RAD51B: variants seen among roughly 807,000 people sequenced by gnomAD.
The protein encoded by RAD51B is RAD51 paralog B, also known as DNA repair protein RAD51 homolog 2.
A neutral mutation model predicts 42.2 loss-of-function variants in RAD51B; 38 were observed. The ratio of observed to expected loss-of-function variants is 0.90; its 90% CI spans 0.70 to 1.18. RAD51B has a LOEUF of 1.18. RAD51B is among the 50% of genes most tolerant of loss of function. The pLI is 0.00. For synonymous variants in RAD51B, 154 were observed against 145.2 expected, an observed-to-expected ratio of 1.06 and a Z score of -0.43; for missense variants, 373 against 400.7, an observed-to-expected ratio of 0.93 and a Z score of 0.59.
At chr14:68,509,700 C>A (rs1159414812) in intron 10 of RAD51B, among the ~76,000 whole-genome samples, 2 of 152,136 alleles carry the variant, frequency 1.3e-5, no homozygotes, top group Non-Finnish European at 2.9e-5. Context: ...CAGGAGTCAG[C>A]AAATGTTTAC....
At chr14:68,562,251 A>T in intron 10 of RAD51B, 1 of 985,418 alleles carries the variant, frequency 1.0e-6, no homozygotes, top group East Asian at 1.1e-4. Context: ...AGAACCACTC[A>T]ACAGGTGGGG....
At chr14:67,983,726 A>G (rs1467201125) in intron 7 of RAD51B, among the ~76,000 whole-genome samples, 6 of 152,190 alleles carry the variant, frequency 3.9e-5, no homozygotes, top group African/African-American at 1.4e-4. Context: ...CAACAAGCAC[A>G]TTAACCATTT....
chr14:68,125,021 A>G (rs2060862505), intron 7 of RAD51B: 1 of 152,110 alleles, frequency 6.6e-6, no homozygotes, highest in Non-Finnish European at 1.5e-5. Flanking sequence ...ATTTTCCTGC[A>G]TAATGTCACA....
At chr14:67,824,415 AC>A (rs1399275390) in intron 2 of RAD51B, among the ~76,000 whole-genome samples, 2 of 151,904 alleles carry the variant, frequency 1.3e-5, no homozygotes, top group African/African-American at 4.8e-5. Context: ...ATGCCACCAC[AC>A]CCAGCTAATT....
intron 10 of RAD51B, among the ~76,000 whole-genome samples, chr14:68,475,652 CTT>C (rs375653232): frequency 6.7e-6 from 1 of 149,912 alleles, no homozygotes; most frequent in Non-Finnish European, 1.5e-5. Flanking sequence ...AGACCAAACA[CTT>C]TTTTTTTTCC....
At chr14:68,397,905 A>T (rs182389303) in intron 8 of RAD51B, among the ~76,000 whole-genome samples, 24 of 151,788 alleles carry the variant, frequency 1.6e-4, no homozygotes, top group Middle Eastern at 3.4e-3. Flanking sequence ...TTCTTCCCCC[A>T]CCCCCTTCTC....
chr14:68,132,764 C>G (rs2077921454), intron 7 of RAD51B, among the ~76,000 whole-genome samples: 1 of 152,226 alleles, frequency 6.6e-6, no homozygotes, highest in Admixed American at 6.5e-5. Context: ...CCTCTGCAGA[C>G]TTACTCTCTC....
At chr14:67,996,255 G>T (rs2075381209) in intron 7 of RAD51B, among the ~76,000 whole-genome samples, 1 of 151,728 alleles carries the variant, frequency 6.6e-6, no homozygotes, top group Admixed American at 6.6e-5. Flanking sequence ...AATTAGCTGG[G>T]TGTAATGGTG....
chr14:68,102,202 T>A (rs1312159682), intron 7 of RAD51B, among the ~76,000 whole-genome samples: 3 of 152,180 alleles, frequency 2.0e-5, no homozygotes, highest in Non-Finnish European at 2.9e-5. Flanking sequence ...GGGCCTGTGA[T>A]GGGTGGGGCT....
At chr14:68,561,864 C>T (rs758266440) in intron 10 of RAD51B, 14 of 754,010 alleles carry the variant, frequency 1.9e-5, no homozygotes, top group Non-Finnish European at 2.3e-5. Context: ...TCTGTAGTTT[C>T]CTCTGCTGGA....
At chr14:68,413,210 G>A (rs931588502) in intron 9 of RAD51B, among the ~76,000 whole-genome samples, 17 of 152,208 alleles carry the variant, frequency 1.1e-4, no homozygotes, top group African/African-American at 4.1e-4. Context: ...TCAACAGGAA[G>A]TAGCTGGTAG....
intron 9 of RAD51B, among the ~76,000 whole-genome samples, chr14:68,439,230 C>T (rs1455566378): frequency 6.6e-6 from 1 of 151,808 alleles, no homozygotes; most frequent in Non-Finnish European, 1.5e-5. Context: ...CAGTGGTGTC[C>T]CAGGCAGTGA....
chr14:67,825,678 C>T, intron 3 of RAD51B, 101 bp downstream of exon 3: 2 of 768,044 alleles, frequency 2.6e-6, no homozygotes, highest in Admixed American at 6.9e-5. Context: ...AGATGAGTAC[C>T]TCAAAAATAC....
At chr14:68,028,956 G>A (rs542037955) in intron 7 of RAD51B, among the ~76,000 whole-genome samples, 2 of 152,198 alleles carry the variant, frequency 1.3e-5, no homozygotes, top group Non-Finnish European at 2.9e-5. Flanking sequence ...TACTCCCTGG[G>A]CATATCCCTT....
intron 7 of RAD51B, among the ~76,000 whole-genome samples, chr14:67,993,118 T>A (rs1384321892): frequency 6.6e-6 from 1 of 152,166 alleles, no homozygotes; most frequent in Non-Finnish European, 1.5e-5. Flanking sequence ...TTCTGTATAT[T>A]TATAGAGTAC....
intron 9 of RAD51B, among the ~76,000 whole-genome samples, chr14:68,446,380 T>C (rs1183061677): frequency 1.3e-5 from 2 of 152,178 alleles, no homozygotes; most frequent in Non-Finnish European, 2.9e-5. Context: ...GCCCTTGATC[T>C]CTTACCCCTT....
At chr14:68,661,627 C>T (rs1344872578) in intron 11 of RAD51B, among the ~76,000 whole-genome samples, 3 of 152,196 alleles carry the variant, frequency 2.0e-5, no homozygotes, top group Admixed American at 2.0e-4. Flanking sequence ...GGTTGGTATG[C>T]CCAAGGAAGT....
chr14:68,544,214 C>G (rs1230192429), intron 10 of RAD51B, among the ~76,000 whole-genome samples: 1 of 152,168 alleles, frequency 6.6e-6, no homozygotes, highest in Non-Finnish European at 1.5e-5. Flanking sequence ...TTTCATGAAC[C>G]CCAGTGTTGA....
intron 10 of RAD51B, among the ~76,000 whole-genome samples, chr14:68,631,855 T>A (rs1214536558): frequency 6.6e-6 from 1 of 152,198 alleles, no homozygotes; most frequent in African/African-American, 2.4e-5. Flanking sequence ...GCCATCCACC[T>A]CATATTCTTG....
Sources: allele counts gnomAD v4.1 joint callset (sites outside exome capture counted in the v4.1 genomes callset), GRCh38; gene constraint gnomAD v4.1.1; transcripts MANE v1.5; gene names NCBI Gene and HGNC (gene_info 2026-07-23, HGNC 2026-07-21).